The following QTMAN variants were observed in gnomAD, a reference collection of about 807,000 sequenced individuals.
The protein encoded by QTMAN is queuosine-tRNA mannosyltransferase.
At chr2:144,073,441 G>A in the QTMAN span, among the ~76,000 whole-genome samples, 1 of 152,160 alleles carries the variant, frequency 6.6e-6, no homozygotes, top group South Asian at 2.1e-4. Flanking sequence ...CTTCAAGGGA[G>A]TCATTCTAAA....
chr2:143,986,632 T>C, the QTMAN span, among the ~76,000 whole-genome samples: 1 of 152,316 alleles, frequency 6.6e-6, no homozygotes, highest in Non-Finnish European at 1.5e-5. Context: ...TAAATATTAT[T>C]TGATGGATAG....
chr2:144,288,769 T>C, the QTMAN span, among the ~76,000 whole-genome samples: 7 of 152,212 alleles, frequency 4.6e-5, no homozygotes, highest in Non-Finnish European at 1.0e-4. Flanking sequence ...TTCAATGTTC[T>C]ATGAAGAATT....
At chr2:144,010,958 T>C in the QTMAN span, among the ~76,000 whole-genome samples, 2 of 152,160 alleles carry the variant, frequency 1.3e-5, no homozygotes, top group African/African-American at 4.8e-5. Context: ...CAATTCCCTA[T>C]GGAAATGCTA....
chr2:144,104,357 G>A, the QTMAN span, among the ~76,000 whole-genome samples: 1 of 152,194 alleles, frequency 6.6e-6, no homozygotes, highest in African/African-American at 2.4e-5. Context: ...CCCTTTCCTA[G>A]CCAAGGGAAG....
chr2:144,046,411 G>A, the QTMAN span, among the ~76,000 whole-genome samples: 1 of 152,094 alleles, frequency 6.6e-6, no homozygotes, highest in African/African-American at 2.4e-5. Context: ...TTGAGATGGG[G>A]CTTTGTTCTG....
At chr2:144,295,582 C>T in the QTMAN span, among the ~76,000 whole-genome samples, 2 of 152,066 alleles carry the variant, frequency 1.3e-5, no homozygotes, top group Non-Finnish European at 2.9e-5. Context: ...AATAAGAAAA[C>T]AGTTAGCCAG....
the QTMAN span, among the ~76,000 whole-genome samples, chr2:144,129,167 T>C: frequency 2.0e-5 from 3 of 151,960 alleles, no homozygotes; most frequent in Non-Finnish European, 4.4e-5. Context: ...CTTTTACTCA[T>C]AGATGACTTG....
chr2:144,265,625 G>A, the QTMAN span, among the ~76,000 whole-genome samples: 1 of 151,414 alleles, frequency 6.6e-6, no homozygotes, highest in East Asian at 1.9e-4. Context: ...GAACCCGGGA[G>A]GCGGAGGTTG....
chr2:144,139,674 G>T, the QTMAN span, among the ~76,000 whole-genome samples: 1 of 152,050 alleles, frequency 6.6e-6, no homozygotes, highest in Non-Finnish European at 1.5e-5. Context: ...TGAGGCAGGA[G>T]ATAAGTGAGG....
At chr2:144,160,769 T>C in the QTMAN span, among the ~76,000 whole-genome samples, 5 of 152,130 alleles carry the variant, frequency 3.3e-5, no homozygotes, top group Non-Finnish European at 5.9e-5. Context: ...TCTTTCTATC[T>C]GTGATGGACA....
the QTMAN span, among the ~76,000 whole-genome samples, chr2:144,263,373 C>G: frequency 2.6e-5 from 4 of 152,198 alleles, no homozygotes; most frequent in Admixed American, 2.0e-4. Context: ...AATAGAGAAA[C>G]AGTGTACCAT....
chr2:144,076,908 G>A, the QTMAN span, among the ~76,000 whole-genome samples: 1 of 151,770 alleles, frequency 6.6e-6, no homozygotes, highest in African/African-American at 2.4e-5. Context: ...CACTTGGGCC[G>A]AGGAGTTCAA....
chr2:144,189,609 CTTTTCT>C, the QTMAN span, among the ~76,000 whole-genome samples: 1 of 151,996 alleles, frequency 6.6e-6, no homozygotes, highest in Non-Finnish European at 1.5e-5. Flanking sequence ...ACTGCCTTCT[CTTTTCT>C]TTTTCTTTTT....
the QTMAN span, among the ~76,000 whole-genome samples, chr2:144,067,401 A>C: frequency 6.6e-5 from 10 of 152,218 alleles, no homozygotes; most frequent in Non-Finnish European, 1.3e-4. Context: ...TTTGCTCTTC[A>C]TAAGCTTTAC....
At chr2:144,197,337 A>G in the QTMAN span, among the ~76,000 whole-genome samples, 1 of 151,120 alleles carries the variant, frequency 6.6e-6, no homozygotes, top group Admixed American at 6.7e-5. Flanking sequence ...ATATATATGT[A>G]GATATATGTA....
chr2:144,264,270 G>A, the QTMAN span, among the ~76,000 whole-genome samples: 2 of 152,070 alleles, frequency 1.3e-5, no homozygotes, highest in Non-Finnish European at 1.5e-5. Context: ...CAATCTTATT[G>A]TGGGGAAAAA....
At chr2:144,005,568 G>A in the QTMAN span, among the ~76,000 whole-genome samples, 4 of 152,066 alleles carry the variant, frequency 2.6e-5, no homozygotes, top group South Asian at 2.1e-4. Context: ...GGATGAATGT[G>A]TTACTTTTAT....
the QTMAN span, chr2:143,952,772 C>T: frequency 1.3e-6 from 2 of 1,576,524 alleles, no homozygotes; most frequent in African/African-American, 2.7e-5. Flanking sequence ...AAAGCAGCTA[C>T]CTGGAAATAT....
chr2:144,185,805 T>C, the QTMAN span, among the ~76,000 whole-genome samples: 7 of 152,136 alleles, frequency 4.6e-5, no homozygotes, highest in Admixed American at 1.3e-4. Flanking sequence ...TAAAAGTCTG[T>C]AGGAGAAAAG....
Sources: allele counts gnomAD v4.1 joint callset (sites outside exome capture counted in the v4.1 genomes callset), GRCh38; gene constraint gnomAD v4.1.1; transcripts MANE v1.5; gene names NCBI Gene and HGNC (gene_info 2026-07-23, HGNC 2026-07-21).